Variants in LMO7 observed in about 807,000 individuals in gnomAD.
LMO7 encodes LIM domain 7.
Under a neutral mutation model 206.5 loss-of-function variants are expected in LMO7, and 120 were observed. The ratio of observed to expected loss-of-function variants is 0.58; its 90% CI spans 0.50 to 0.68. The LOEUF is 0.68. Among genes scored for constraint, LMO7 ranks in the 30% least tolerant of loss-of-function variants. The pLI, the probability that LMO7 is intolerant of heterozygous loss-of-function variation, is 0.00. For synonymous variants in LMO7, 706 were observed against 681.5 expected (o/e 1.04, Z -0.56); for missense variants, 1,959 against 1,957.9 (o/e 1.00, Z -0.01).
At chr13:75,718,783 T>C (rs889161675) in intron 2 of LMO7, among the ~76,000 whole-genome samples, 4 of 152,298 alleles carry the variant, frequency 2.6e-5, no homozygotes, top group Middle Eastern at 3.4e-3. Context: ...AAATCCTCTG[T>C]GCTCCTCCTA....
At chr13:75,763,257 A>T (rs999098291) in intron 4 of LMO7, among the ~76,000 whole-genome samples, 1 of 152,088 alleles carries the variant, frequency 6.6e-6, no homozygotes, top group Non-Finnish European at 1.5e-5. Flanking sequence ...ATACACTTTA[A>T]TGCACGGGAT....
At chr13:75,741,670 A>G (rs1448244381) in intron 3 of LMO7, among the ~76,000 whole-genome samples, 2 of 152,256 alleles carry the variant, frequency 1.3e-5, no homozygotes. Flanking sequence ...GCCTTTTGAT[A>G]AAATTCAACA....
intron 1 of LMO7, among the ~76,000 whole-genome samples, chr13:75,641,264 C>T (rs886084263): frequency 1.3e-5 from 2 of 152,216 alleles, no homozygotes; most frequent in Admixed American, 6.5e-5. Context: ...CCCATCTGCC[C>T]ACTAGGCTGG....
At position 75,858,591 on chromosome 13, in the gene LMO7, A is replaced by G. The variant is rs2061133700; in HGVS notation, c.*648A>G. 1 of 152,624 alleles carries G rather than the reference A, an allele frequency of 6.6e-6. No homozygotes were observed. The highest frequency in any genetic ancestry group is 1.5e-5 in the Non-Finnish European group (1 of 68,010). The allele number at this position is 152,624 out of a possible 1,614,324, so 9.5% of individuals were successfully genotyped here. A position where few individuals can be genotyped will look rare whatever the true frequency, so the allele number is the denominator to read the frequency against. On this transcript the variant is annotated 3_prime_UTR_variant, in exon 31 of 31. Transcript: ENST00000377534. ...TTATTTTCATTAATGAAAAATAACCATGGTTTGTATACTAGAAGTCTTCTT... is the reference window on the plus strand; with the variant it reads ...TTATTTTCATTAATGAAAAATAACCGTGGTTTGTATACTAGAAGTCTTCTT...
rs755573781 is a variant in LMO7 at position 75,821,184 on chromosome 13, C to G, written c.2215C>G (p.Gln739Glu). 9.4e-6 allele frequency: 15 copies of G among 1,598,958 alleles called. No individual in the cohort carries two copies. The African/African-American group carries it at 1.9e-4, about 20-fold the overall frequency. The change falls in exon 14 of 31, where the codon CAA (glutamine) becomes GAA (glutamate). Residue 739 changes from glutamine to glutamate, a missense_variant. Transcript: ENST00000377534. ...GCATTTCTCTCCGCTAAGGGAATCC[C>G]AAAATCAAAAGTCTACAGTTCCGTC... ...FKEMLQDRESQNQKSTVPSRR... is the reference protein window; with the variant it reads ...FKEMLQDRESENQKSTVPSRR...
chr13:75,816,452 G>C (rs1315321369), intron 11 of LMO7, among the ~76,000 whole-genome samples: 2 of 152,204 alleles, frequency 1.3e-5, no homozygotes, highest in Non-Finnish European at 2.9e-5. Flanking sequence ...ACATGTGCCT[G>C]TGCCCAACAC....
intron 15 of LMO7, 37 bp downstream of exon 15, chr13:75,823,910 G>T (rs1380151102): frequency 4.6e-6 from 7 of 1,536,372 alleles, no homozygotes; most frequent in Non-Finnish European, 6.3e-6. Flanking sequence ...CTGTGGCTCA[G>T]ACACTTACAC....
In LMO7 at chr13:75,644,496, A is replaced by C. The variant is rs150892581; in HGVS notation, c.69+7770A>C. Among the ~76,000 whole-genome samples, 136 of 152,340 alleles carry C rather than the reference A, an allele frequency of 8.9e-4. No individual in the cohort carries two copies. The East Asian group carries it at 0.013, about 14-fold the overall frequency. ...CGTCCTTGTTCCACCTAAAGCTGTAAGATTAGCTATTTTTTGTACATGACA... is the reference window on the plus strand; with the variant it reads ...CGTCCTTGTTCCACCTAAAGCTGTACGATTAGCTATTTTTTGTACATGACA... On this transcript the variant is annotated intron_variant, in intron 1 of 30. Transcript: ENST00000377534.
intron 3 of LMO7, among the ~76,000 whole-genome samples, chr13:75,738,490 AT>A (rs200557133): frequency 6.6e-6 from 1 of 151,690 alleles, no homozygotes; most frequent in Non-Finnish European, 1.5e-5. Flanking sequence ...GTTTTCCTAG[AT>A]TTTTTTTTCT....
intron 4 of LMO7, among the ~76,000 whole-genome samples, chr13:75,774,963 G>A (rs1056643572): frequency 5.9e-5 from 9 of 152,022 alleles, no homozygotes; most frequent in African/African-American, 1.4e-4. Flanking sequence ...AAAATAATGC[G>A]AGGTGATAAG....
intron 1 of LMO7, among the ~76,000 whole-genome samples, chr13:75,684,830 C>A (rs2040845986): frequency 7.3e-6 from 1 of 137,788 alleles, no homozygotes; most frequent in Non-Finnish European, 1.5e-5. Flanking sequence ...CATATATACA[C>A]ACACGCACAT....
intron 4 of LMO7, among the ~76,000 whole-genome samples, chr13:75,783,532 A>G (rs555528998): frequency 1.3e-5 from 2 of 152,290 alleles, no homozygotes; most frequent in East Asian, 3.9e-4. Flanking sequence ...CATGTTGGCC[A>G]GGCTGGTCTG....
At chr13:75,813,768 G>A (rs751199637) in intron 11 of LMO7, among the ~76,000 whole-genome samples, 1 of 152,216 alleles carries the variant, frequency 6.6e-6, no homozygotes, top group Non-Finnish European at 1.5e-5. Flanking sequence ...GCATTGCATG[G>A]TGTAGGAGGA....
chr13:75,781,284 C>T (rs1395777190), intron 4 of LMO7, among the ~76,000 whole-genome samples: 16 of 91,064 alleles, frequency 1.8e-4, no homozygotes, highest in African/African-American at 6.5e-4. Flanking sequence ...CCCCTCCCCC[C>T]ACCCCACAAC....
At chr13:75,838,100 TA>T (rs767293886) in intron 19 of LMO7, 39 bp from the exon 20 acceptor site, 1 of 1,225,530 alleles carries the variant, frequency 8.2e-7, no homozygotes, top group Non-Finnish European at 1.2e-6. Context: ...TGGTGAGAAA[TA>T]AAAATGAATG....
At chr13:75,856,702 A>G in intron 30 of LMO7, 94 bp downstream of exon 30, 1 of 753,094 alleles carries the variant, frequency 1.3e-6, no homozygotes, top group East Asian at 2.5e-5. Context: ...CTCCCCTCCA[A>G]GTTCACTGCC....
chr13:75,666,073 T>C (rs1315149891), intron 1 of LMO7, among the ~76,000 whole-genome samples: 1 of 152,250 alleles, frequency 6.6e-6, no homozygotes, highest in Non-Finnish European at 1.5e-5. Flanking sequence ...TGACTGCACT[T>C]GGAGTCAGAG....
intron 3 of LMO7, among the ~76,000 whole-genome samples, chr13:75,748,803 C>G (rs1305582618): frequency 7.3e-6 from 1 of 136,332 alleles, no homozygotes; most frequent in African/African-American, 2.5e-5. Context: ...TTTTTTCTTT[C>G]TTTCTTTCTT....
intron 3 of LMO7, among the ~76,000 whole-genome samples, chr13:75,759,163 A>G (rs1010613437): frequency 1.3e-5 from 2 of 152,160 alleles, no homozygotes; most frequent in African/African-American, 4.8e-5. Flanking sequence ...CGAGAACAGC[A>G]TGGGGGAAAC....
Sources: allele counts gnomAD v4.1 joint callset (sites outside exome capture counted in the v4.1 genomes callset), GRCh38; gene constraint gnomAD v4.1.1; transcripts MANE v1.5; gene names NCBI Gene and HGNC (gene_info 2026-07-23, HGNC 2026-07-21).